LHB: variants seen among roughly 807,000 people sequenced by gnomAD.
LHB encodes luteinizing hormone subunit beta.
Under a neutral mutation model 10.6 loss-of-function variants are expected in LHB, and 11 were observed. The observed-to-expected ratio is 1.04, with a 90% confidence interval of 0.66 to 1.72. LHB has a LOEUF of 1.72. Ranked by LOEUF, LHB falls within the 40% of genes most tolerant of loss-of-function variation. The probability of loss-of-function intolerance (pLI) is 0.00; values close to 1 mark genes in which losing one functional copy is unlikely to be tolerated. For missense variants in LHB, 184 were observed against 197.3 expected, an observed-to-expected ratio of 0.93 and a Z score of 0.41; for synonymous variants, 86 against 83.1, an observed-to-expected ratio of 1.03 and a Z score of -0.19.
chr19:49,018,115 G>C, upstream of LHB: 3 of 399,486 alleles, frequency 7.5e-6, no homozygotes, highest in Non-Finnish European at 1.3e-5. Flanking sequence ...GCCGGAGCGG[G>C]TGCAGCAGGG....
upstream of LHB, chr19:49,018,232 G>A (rs2039590814): frequency 1.4e-6 from 1 of 724,890 alleles, no homozygotes; most frequent in Non-Finnish European, 1.9e-6. Context: ...GCGGCCGGGA[G>A]GAGCGCGGAC....
At chr19:49,018,670 G>C (rs1298121492), upstream of LHB, among the ~76,000 whole-genome samples, 1 of 151,994 alleles carries the variant, frequency 6.6e-6, no homozygotes, top group Non-Finnish European at 1.5e-5. Flanking sequence ...TCCCTACCGC[G>C]GTTCCTGAGA....
At position 49,016,258 on chromosome 19, in the gene LHB, T is replaced by A; in HGVS notation, c.236A>T (p.Tyr79Phe). Reference protein sequence around the residue: ...LPPLPQVVCTYRDVRFESIRL... With the variant: ...LPPLPQVVCTFRDVRFESIRL... ...GATGGACTCGAAGCGCACATCACGG[T>A]AGGTGCACACCACCTGAGGCAGGGG... Residue 79 changes from tyrosine (Y) to phenylalanine (F), a missense_variant, in exon 3 of 3, where the codon TAC (tyrosine) becomes TTC (phenylalanine). Tyr to Phe is a conservative substitution (Grantham distance 22). Coordinates refer to ENST00000649238, the MANE Select transcript of LHB (RefSeq NM_000894.3). 1 of 1,612,304 alleles carries A rather than the reference T, an allele frequency of 6.2e-7. No homozygotes were observed. The highest frequency in any genetic ancestry group is 1.3e-5 in the African/African-American group (1 of 75,002).
chr19:49,017,099 C>T, upstream of LHB: 2 of 1,613,964 alleles, frequency 1.2e-6, no homozygotes, highest in Non-Finnish European at 1.7e-6. Context: ...GCATCCCCTG[C>T]CTCGTGTATC....
At position 49,016,676 on chromosome 19, in the gene LHB, T is replaced by G; in HGVS notation, c.54A>C (p.Ala18=). 6.2e-7 allele frequency: 1 copy of G among 1,611,878 alleles called. No individual in the cohort carries two copies. Among genetic ancestry groups the G allele is most frequent in the Non-Finnish European group, 8.5e-7 (1 of 1,179,806 alleles). The stretch of plus-strand genomic sequence containing the variant: ...GCCGAAGCGGCTCCCTGGATGCCCA[T>G]GCCCCGCCCATGCTCAGCAGCAGCA... ...LLLLLLSMGG[A]WASREPLRPW... The change falls in exon 2 of 3, where the codon GCA becomes GCC. Residue 18 remains alanine, a synonymous_variant. Coordinates refer to ENST00000649238, the MANE Select transcript of LHB (RefSeq NM_000894.3).
intron 2 of LHB, 31 bp from the exon 3 acceptor site, chr19:49,016,341 T>C: frequency 1.2e-6 from 2 of 1,607,932 alleles, no homozygotes; most frequent in Non-Finnish European, 1.7e-6. Context: ...GGAATGAGCA[T>C]GTGCCTGAGG....
chr19:49,018,400 C>A (rs148757691), upstream of LHB: 108 of 1,039,702 alleles, frequency 1.0e-4, no homozygotes, highest in African/African-American at 1.7e-3. Flanking sequence ...GAGTTTCAGA[C>A]CTCGGGATCT....
chr19:49,017,169 G>C, upstream of LHB: 2 of 1,596,612 alleles, frequency 1.3e-6, no homozygotes, highest in South Asian at 2.2e-5. Context: ...TAGGATGCTG[G>C]GGTAACCTGG....
chr19:49,018,285 C>T (rs1441601350), upstream of LHB: 103 of 1,144,588 alleles, frequency 9.0e-5, no homozygotes, highest in Middle Eastern at 6.5e-4. Context: ...TGGGGCGTCT[C>T]TTCGAAGCTC....
chr19:49,017,401 G>T (rs1240891140), upstream of LHB: 1 of 1,116,754 alleles, frequency 9.0e-7, no homozygotes, highest in Non-Finnish European at 1.2e-6. Context: ...CCAATTGTGG[G>T]GTCTTGGGAG....
chr19:49,017,405 T>G, upstream of LHB: 1 of 1,128,718 alleles, frequency 8.9e-7, no homozygotes, highest in East Asian at 3.7e-5. Flanking sequence ...TTGTGGGGTC[T>G]TGGGAGCCAG....
At chr19:49,018,897 G>T (rs2039596887), upstream of LHB, 3 of 1,534,432 alleles carry the variant, frequency 2.0e-6, no homozygotes, top group Admixed American at 5.9e-5. Context: ...AAAGTCCCGC[G>T]CCGAGGTGGT....
At chr19:49,017,167 T>TG (rs2039570028), upstream of LHB, 1 of 1,595,520 alleles carries the variant, frequency 6.3e-7, no homozygotes, top group African/African-American at 1.3e-5. Context: ...GATAGGATGC[T>TG]GGGGTAACCT....
rs905636117 is a variant in LHB, at chr19:49,016,998, T to C, written c.15+69A>G. On this transcript the variant is annotated intron_variant, in intron 1 of 2. Transcript: ENST00000649238. ...GGCCTCCTTCCACAGCTCACACGGG[T>C]CTGCCCCTTCTCATGCCAGTGATGG... 3 of 1,612,428 alleles carry C rather than the reference T, an allele frequency of 1.9e-6. No individual in the cohort carries two copies. The Admixed American group carries it at 5.0e-5, about 27-fold the overall frequency.
upstream of LHB, chr19:49,018,010 G>C (rs531687820): frequency 1.0e-5 from 4 of 398,492 alleles, no homozygotes; most frequent in African/African-American, 2.1e-5. Flanking sequence ...TGGAGTTCTC[G>C]GTACTGTAGG....
chr19:49,018,605 A>C (rs1479673390), upstream of LHB, among the ~76,000 whole-genome samples: 2 of 152,018 alleles, frequency 1.3e-5, no homozygotes, highest in Admixed American at 1.3e-4. Flanking sequence ...CAAGTACCGA[A>C]GGAGGCCCTG....
At chr19:49,016,813 C>T in intron 1 of LHB, 99 bp from the exon 2 acceptor site, 1 of 1,594,288 alleles carries the variant, frequency 6.3e-7, no homozygotes. Flanking sequence ...ACCCAGAGAC[C>T]CTTCCCGGCA....
At chr19:49,017,231 G>C (rs1600206415), upstream of LHB, 9 of 1,416,140 alleles carry the variant, frequency 6.4e-6, no homozygotes, top group South Asian at 9.3e-5. Context: ...AGGCGCAGGA[G>C]TGGCTCAGCA....
chr19:49,016,828 C>T (rs2039563487), intron 1 of LHB, 114 bp from the exon 2 acceptor site: 3 of 1,581,336 alleles, frequency 1.9e-6, no homozygotes, highest in Non-Finnish European at 2.6e-6. Context: ...CCGGCATCTC[C>T]TATTCAGGAC....
Sources: gnomAD v4.1 joint callset for allele counts (sites outside exome capture counted in the v4.1 genomes callset) on GRCh38, gnomAD v4.1.1 for gene constraint, MANE v1.5 for transcripts, NCBI Gene and HGNC (gene_info 2026-07-23, HGNC 2026-07-21) for gene names.